Variants in ATF2 observed in about 807,000 individuals in gnomAD.
The protein encoded by ATF2 is activating transcription factor 2.
A neutral mutation model predicts 60.6 loss-of-function variants in ATF2; 24 were observed. The ratio of observed to expected loss-of-function variants is 0.40; its 90% confidence interval spans 0.29 to 0.56. The LOEUF is 0.56. Ranked by LOEUF, ATF2 falls within the 20% of genes least tolerant of loss-of-function variation. The probability of loss-of-function intolerance (pLI) is 0.54; values close to 1 mark genes in which losing one functional copy is unlikely to be tolerated. For synonymous variants in ATF2, 206 were observed against 215.4 expected (o/e 0.96, Z 0.38); for missense variants, 433 against 607.7 (o/e 0.71, Z 3.02).
rs576377607 is a variant in ATF2 at position 175,086,733 on chromosome 2, TCAA to T, written c.1186-5971_1186-5969del. Among the ~76,000 whole-genome samples the T allele has an allele frequency of 4.9e-3, 747 of 152,162 alleles. 5 individuals are homozygous for T. Among genetic ancestry groups the T allele is most frequent in the African/African-American group, 0.017 (686 of 41,526 alleles). ...CTCATTTATGATAAATATAGTAAAT[TCAA>T]CAAACTACTCCAAGCATTCAAGAAT... On this transcript the variant is annotated intron_variant, in intron 12 of 13. Coordinates refer to ENST00000264110, the MANE Select transcript of ATF2 (RefSeq NM_001880.4).
intron 3 of ATF2, 144 bp downstream of exon 3, chr2:175,136,268 T>C: frequency 1.3e-6 from 1 of 744,932 alleles, no homozygotes; most frequent in Non-Finnish European, 2.3e-6. Flanking sequence ...AATAGGAGTA[T>C]CAGCTAAACT....
At chr2:175,134,334 T>A (rs150580959) in intron 3 of ATF2, among the ~76,000 whole-genome samples, 7 of 152,226 alleles carry the variant, frequency 4.6e-5, no homozygotes, top group African/African-American at 1.7e-4. Flanking sequence ...AATTTTGGTA[T>A]CTTCAGGAGA....
chr2:175,139,864 A>T (rs948927029), intron 2 of ATF2, among the ~76,000 whole-genome samples: 1 of 152,150 alleles, frequency 6.6e-6, no homozygotes, highest in African/African-American at 2.4e-5. Flanking sequence ...TTCCATTCCA[A>T]TTCTTCAATA....
intron 7 of ATF2, 95 bp from the exon 8 acceptor site, chr2:175,114,963 G>T: frequency 8.5e-7 from 1 of 1,174,518 alleles, no homozygotes; most frequent in Non-Finnish European, 1.2e-6. Flanking sequence ...AGCATCTACA[G>T]AATAATAACT....
intron 1 of ATF2, among the ~76,000 whole-genome samples, chr2:175,159,941 T>A (rs1372865855): frequency 1.3e-5 from 2 of 152,194 alleles, no homozygotes; most frequent in Non-Finnish European, 2.9e-5. Context: ...CTTTCATTGC[T>A]TTTTTTCTCC....
chr2:175,084,558 T>C (rs1007450725), intron 12 of ATF2, among the ~76,000 whole-genome samples: 1 of 143,996 alleles, frequency 6.9e-6, no homozygotes, highest in African/African-American at 2.6e-5. Context: ...GACGAGTTAA[T>C]GGGTACAGCA....
intron 10 of ATF2, among the ~76,000 whole-genome samples, chr2:175,100,644 C>G (rs1463488719): frequency 6.6e-6 from 1 of 152,204 alleles, no homozygotes; most frequent in Non-Finnish European, 1.5e-5. Context: ...ACATATTTGC[C>G]CTGGCATGCG....
intron 11 of ATF2, among the ~76,000 whole-genome samples, chr2:175,095,096 T>C (rs1194145759): frequency 6.6e-6 from 1 of 152,082 alleles, no homozygotes; most frequent in African/African-American, 2.4e-5. Flanking sequence ...CCTCCTATTT[T>C]TCTTTTTCTT....
In ATF2 at chr2:175,074,525, C is replaced by T. The variant is rs1048486486; in HGVS notation, c.*84G>A. 6.9e-6 allele frequency: 10 copies of T among 1,444,446 alleles called. No homozygotes were observed. In the Admixed American group the frequency reaches 1.7e-4, roughly 24 times the overall value. 89.5% of individuals were successfully genotyped at this position (1,444,446 alleles called of 1,614,324 possible). A position where few individuals can be genotyped will look rare whatever the true frequency, so the allele number is the denominator to read the frequency against. On this transcript the variant is annotated 3_prime_UTR_variant, in exon 14 of 14. Transcript: ENST00000264110. ...AAAAAAAATTTACAACCACAGATTT[C>T]GCATAAATGGAAACTGGTCTTTCCT...
chr2:175,166,455 T>C lies in ATF2; in HGVS notation c.-143+1595A>G, dbSNP rs190666363. Among the ~76,000 whole-genome samples, 304 of 152,332 alleles carry C rather than the reference T, an allele frequency of 2.0e-3. 2 individuals carry two copies. The highest frequency in any genetic ancestry group is 1.9e-3 in the Admixed American group (29 of 15,302). On this transcript the variant is annotated intron_variant, in intron 1 of 13. Coordinates refer to ENST00000264110, the MANE Select transcript of ATF2 (RefSeq NM_001880.4). ...TGGCCTTAAAGATCCATGAACTTTC[T>C]TAATCTGCAGAGGGGAATCTGTATA...
At position 175,074,451 on chromosome 2, in the gene ATF2, T is replaced by A. The variant is rs1693140463; in HGVS notation, c.*158A>T. 1 of 864,984 alleles carries A rather than the reference T, an allele frequency of 1.2e-6. No homozygotes were observed. Among genetic ancestry groups the A allele is most frequent in the African/African-American group, 1.7e-5 (1 of 58,726 alleles). The allele number at this position is 864,984 out of a possible 1,614,324, so 53.6% of individuals were successfully genotyped here. On this transcript the variant is annotated 3_prime_UTR_variant, in exon 14 of 14. Transcript: ENST00000264110. Reference sequence around the variant, plus strand: ...GACTAAAAACCGTTTTTCAGTCTGATCAACTGCTGCTACACCAACTTTAGA... The same window carrying A: ...GACTAAAAACCGTTTTTCAGTCTGAACAACTGCTGCTACACCAACTTTAGA...
chr2:175,114,276 C>T lies in ATF2; in HGVS notation c.627-168G>A, dbSNP rs576211779. On this transcript the variant is annotated intron_variant, in intron 8 of 13. Transcript: ENST00000264110. ...ATTATTTTTAATTGCATCTTAAATGCATAACCTGTGTAGCAGTATTGAAAA... is the reference window on the plus strand; with the variant it reads ...ATTATTTTTAATTGCATCTTAAATGTATAACCTGTGTAGCAGTATTGAAAA... 2.5e-5 allele frequency: 35 copies of T among 1,383,898 alleles called. 3 individuals carry two copies. In the African/African-American group the frequency reaches 5.0e-4, roughly 20 times the overall value. The allele number at this position is 1,383,898 out of a possible 1,614,324, so 85.7% of individuals were successfully genotyped here.
At chr2:175,074,987 T>C in intron 13 of ATF2, 152 bp from the exon 14 acceptor site, 3 of 1,506,438 alleles carry the variant, frequency 2.0e-6, no homozygotes, top group Non-Finnish European at 1.8e-6. Context: ...GGTCATGAAG[T>C]AGGCAATTTT....
In ATF2 at chr2:175,074,414, T is replaced by C. The variant is rs1252617747; in HGVS notation, c.*195A>G. ...ATATTTATAAAAAAAGCAAAATCAG[T>C]CTTTTTCCAGAGACTAAAAACCGTT... On this transcript the variant is annotated 3_prime_UTR_variant, in exon 14 of 14. Coordinates refer to ENST00000264110, the MANE Select transcript of ATF2 (RefSeq NM_001880.4). The C allele has an allele frequency of 2.1e-6, 1 of 478,170 alleles. No homozygotes were observed. Among genetic ancestry groups the C allele is most frequent in the Non-Finnish European group, 3.5e-6 (1 of 285,114 alleles). The allele number at this position is 478,170 out of a possible 1,614,324, so 29.6% of individuals were successfully genotyped here.
chr2:175,147,377 G>A (rs1699028164), intron 2 of ATF2, among the ~76,000 whole-genome samples: 1 of 152,084 alleles, frequency 6.6e-6, no homozygotes, highest in African/African-American at 2.4e-5. Context: ...AAAATGGGAG[G>A]GAGCAAACAC....
chr2:175,107,960 C>T (rs1386374976), intron 10 of ATF2, among the ~76,000 whole-genome samples: 4 of 152,126 alleles, frequency 2.6e-5, no homozygotes, highest in East Asian at 1.9e-4. Context: ...CCCAAAGTGC[C>T]GAGATTGCAC....
chr2:175,119,787 A>T (rs1696829656), intron 5 of ATF2, among the ~76,000 whole-genome samples: 1 of 151,648 alleles, frequency 6.6e-6, no homozygotes, highest in Non-Finnish European at 1.5e-5. Flanking sequence ...GGGTTTGTCT[A>T]TCTAAGTTCA....
intron 1 of ATF2, among the ~76,000 whole-genome samples, chr2:175,152,843 G>T (rs76301836): frequency 0.034 from 5,208 of 152,282 alleles, 297 homozygotes; most frequent in African/African-American, 0.12. Flanking sequence ...AAATGGAGCA[G>T]CAATTCAAAG....
At chr2:175,087,746 C>T (rs1694267151) in intron 12 of ATF2, among the ~76,000 whole-genome samples, 1 of 151,910 alleles carries the variant, frequency 6.6e-6, no homozygotes, top group African/African-American at 2.4e-5. Context: ...CAAGGGTTAT[C>T]GTGGAATGTA....
Sources: gnomAD v4.1 joint callset for allele counts (sites outside exome capture counted in the v4.1 genomes callset) on GRCh38, gnomAD v4.1.1 for gene constraint, MANE v1.5 for transcripts, NCBI Gene and HGNC (gene_info 2026-07-23, HGNC 2026-07-21) for gene names.